The following CYTH3 variants were observed in gnomAD, a reference collection of about 807,000 sequenced individuals.
CYTH3 encodes the protein cytohesin-3.
In CYTH3, 23 loss-of-function variants were observed where a neutral mutation model predicts 55.1. That is an observed-to-expected ratio of 0.42 (90% CI 0.30 to 0.59). The LOEUF (loss-of-function observed/expected upper bound fraction) is 0.59, where lower values mean the gene tolerates loss of function less well. Ranked by LOEUF, CYTH3 falls within the 20% of genes least tolerant of loss-of-function variation. The pLI, the probability that CYTH3 is intolerant of heterozygous loss-of-function variation, is 0.20. For synonymous variants in CYTH3, 249 were observed against 194.9 expected (o/e 1.28, Z -2.31); for missense variants, 413 against 524.8 (o/e 0.79, Z 2.08).
At chr7:6,193,377 CAAA>C (rs759990952) in intron 1 of CYTH3, among the ~76,000 whole-genome samples, 14 of 63,120 alleles carry the variant, frequency 2.2e-4, no homozygotes, top group Non-Finnish European at 1.4e-4. Flanking sequence ...ACTCCCGTCT[CAAA>C]AAAAAAAAAA....
At chr7:6,219,772 A>G (rs1473199200) in intron 1 of CYTH3, among the ~76,000 whole-genome samples, 8 of 152,222 alleles carry the variant, frequency 5.3e-5, no homozygotes, top group African/African-American at 1.9e-4. Context: ...CATTCCTATC[A>G]AATTTCCAGT....
intron 1 of CYTH3, among the ~76,000 whole-genome samples, chr7:6,269,084 T>C (rs1362185679): frequency 2.0e-5 from 3 of 152,144 alleles, no homozygotes; most frequent in Non-Finnish European, 4.4e-5. Flanking sequence ...CTTCCTGCCA[T>C]TCCTCCTGCC....
Position 6,259,820 on chromosome 7 carries a change from ATATATATATATATTT to A in CYTH3, c.34+12639_34+12653del, listed in dbSNP as rs1780297752. 1.5e-4 allele frequency among the ~76,000 whole-genome samples: 4 copies of A among 26,040 alleles called. 1 individual carries two copies. The highest frequency in any genetic ancestry group is 1.4e-3 in the Admixed American group (2 of 1,472). 17.1% of individuals were successfully genotyped at this position (26,040 alleles called of 152,430 possible). On this transcript the variant is annotated intron_variant, in intron 1 of 12. Transcript: ENST00000350796. ...ATATATATATATATATATAATATAT[ATATATATATATATTT>A]TTTTTTTTTTTTAAGACGGATTTTC...
intron 1 of CYTH3, among the ~76,000 whole-genome samples, chr7:6,192,988 T>C (rs934325570): frequency 6.0e-5 from 9 of 151,212 alleles, no homozygotes; most frequent in South Asian, 2.1e-4. Context: ...CTGGCCAACA[T>C]AGTGAAACCC....
intron 1 of CYTH3, among the ~76,000 whole-genome samples, chr7:6,224,927 G>C (rs1016239539): frequency 1.3e-5 from 2 of 152,196 alleles, no homozygotes; most frequent in Admixed American, 6.5e-5. Flanking sequence ...GTTATGTGAA[G>C]TAAAGGAAGT....
intron 1 of CYTH3, among the ~76,000 whole-genome samples, chr7:6,263,689 T>G (rs1780412931): frequency 2.0e-5 from 3 of 151,540 alleles, no homozygotes. Flanking sequence ...TCCCAGCCAC[T>G]CAAGTGGTTA....
intron 1 of CYTH3, among the ~76,000 whole-genome samples, chr7:6,251,990 TA>T (rs1277084390): frequency 2.0e-5 from 3 of 152,232 alleles, no homozygotes; most frequent in African/African-American, 7.2e-5. Flanking sequence ...ACATTGATCA[TA>T]AAAACCACTT....
At chr7:6,260,895 A>C (rs951251209) in intron 1 of CYTH3, among the ~76,000 whole-genome samples, 23 of 152,198 alleles carry the variant, frequency 1.5e-4, no homozygotes, top group Admixed American at 7.9e-4. Context: ...GACACAGCCA[A>C]CTGCCTACCT....
At chr7:6,231,000 G>C (rs1779379518) in intron 1 of CYTH3, among the ~76,000 whole-genome samples, 1 of 152,134 alleles carries the variant, frequency 6.6e-6, no homozygotes, top group African/African-American at 2.4e-5. Flanking sequence ...ACTTCCTACT[G>C]TGCCTTCACT....
Position 6,164,732 on chromosome 7 carries a change from G to A in CYTH3, c.*212C>T. The A allele has an allele frequency of 1.5e-6, 1 of 650,578 alleles. No individual in the cohort carries two copies. The highest frequency in any genetic ancestry group is 2.7e-6 in the Non-Finnish European group (1 of 365,596). The allele number at this position is 650,578 out of a possible 1,614,324, so 40.3% of individuals were successfully genotyped here. A position where few individuals can be genotyped will look rare whatever the true frequency, so the allele number is the denominator to read the frequency against. On this transcript the variant is annotated 3_prime_UTR_variant, in exon 13 of 13. Transcript: ENST00000350796. ...ATCAGTCTGGGCCACGGTACGCTCT[G>A]GAGCAGCAGCTTGCACTGCAGGGCG...
At chr7:6,192,550 TGAG>T (rs1783824877) in intron 1 of CYTH3, among the ~76,000 whole-genome samples, 1 of 148,164 alleles carries the variant, frequency 6.7e-6, no homozygotes. Flanking sequence ...TTTTTTTTTT[TGAG>T]ACAGAGTCTC....
chr7:6,250,398 C>T (rs1258429863), intron 1 of CYTH3, among the ~76,000 whole-genome samples: 1 of 152,192 alleles, frequency 6.6e-6, no homozygotes, highest in South Asian at 2.1e-4. Context: ...AGATAGCACA[C>T]AGCCACAGAT....
At chr7:6,234,173 G>A (rs934126328) in intron 1 of CYTH3, among the ~76,000 whole-genome samples, 2 of 152,202 alleles carry the variant, frequency 1.3e-5, no homozygotes, top group African/African-American at 4.8e-5. Flanking sequence ...CCTTTATCAA[G>A]TGCAGCAGGA....
chr7:6,271,763 C>T (rs1179011121), intron 1 of CYTH3, among the ~76,000 whole-genome samples: 1 of 152,142 alleles, frequency 6.6e-6, no homozygotes, highest in Non-Finnish European at 1.5e-5. Context: ...CACCTGGCTC[C>T]GGGCACACCT....
intron 1 of CYTH3, among the ~76,000 whole-genome samples, chr7:6,191,284 CA>C (rs1409843600): frequency 6.6e-6 from 1 of 151,702 alleles, no homozygotes; most frequent in African/African-American, 2.4e-5. Flanking sequence ...CCTTTCTCTA[CA>C]AAAATTAAAA....
At position 6,203,868 on chromosome 7, in the gene CYTH3, G is replaced by C. The variant is rs573782615; in HGVS notation, c.35-13337C>G. Among the ~76,000 whole-genome samples, 8 of 152,080 alleles carry C rather than the reference G, an allele frequency of 5.3e-5. No individual in the cohort carries two copies. The South Asian group carries it at 1.7e-3, about 32-fold the overall frequency. ...CGAGTAGCTGGGACTACAGGCGCCT[G>C]CCACCATGCCCGGCTAATTTTTTTA... is the stretch of plus-strand genomic sequence containing the variant. On this transcript the variant is annotated intron_variant, in intron 1 of 12. Coordinates refer to ENST00000350796, the MANE Select transcript of CYTH3 (RefSeq NM_004227.4).
intron 1 of CYTH3, among the ~76,000 whole-genome samples, chr7:6,197,252 C>T (rs538655624): frequency 1.3e-4 from 20 of 152,142 alleles, no homozygotes; most frequent in Non-Finnish European, 2.4e-4. Context: ...AGAATTTCCA[C>T]GTCTAAAAGA....
intron 1 of CYTH3, among the ~76,000 whole-genome samples, chr7:6,199,872 T>C (rs1008648956): frequency 2.0e-5 from 3 of 152,344 alleles, no homozygotes; most frequent in African/African-American, 4.8e-5. Flanking sequence ...AAGCACACGT[T>C]ATAAGCTGCT....
Position 6,162,504 on chromosome 7 carries a change from G to C in CYTH3, c.*2440C>G, listed in dbSNP as rs752494762. 2 of 152,266 alleles carry C rather than the reference G, an allele frequency of 1.3e-5. No individual in the cohort carries two copies. Among genetic ancestry groups the C allele is most frequent in the African/African-American group, 4.8e-5 (2 of 41,462 alleles). The allele number at this position is 152,266 out of a possible 1,614,324, so 9.4% of individuals were successfully genotyped here. On this transcript the variant is annotated 3_prime_UTR_variant, in exon 13 of 13. Coordinates refer to ENST00000350796, the MANE Select transcript of CYTH3 (RefSeq NM_004227.4). ...AACAGATGTGTCCTGTTTCAGGGCC[G>C]TCCTGGTAGCGGCTGGCCCTGCGCA...
Sources: gnomAD v4.1 joint callset for allele counts (sites outside exome capture counted in the v4.1 genomes callset) on GRCh38, gnomAD v4.1.1 for gene constraint, MANE v1.5 for transcripts, NCBI Gene and HGNC (gene_info 2026-07-23, HGNC 2026-07-21) for gene names.